Variants in RRP1 observed in about 807,000 individuals in gnomAD.
The protein encoded by RRP1 is ribosomal RNA processing 1, also known as ribosomal RNA processing protein 1 homolog A.
A neutral mutation model predicts 54.6 loss-of-function variants in RRP1; 37 were observed. The ratio of observed to expected loss-of-function variants is 0.68; its 90% CI spans 0.52 to 0.89. The LOEUF (loss-of-function observed/expected upper bound fraction) is 0.89, where lower values mean the gene tolerates loss of function less well. Ranked by LOEUF, RRP1 falls within the 40% of genes least tolerant of loss-of-function variation. RRP1 has a pLI of 0.00. For missense variants in RRP1, 639 were observed against 612.5 expected (o/e 1.04, Z -0.46); for synonymous variants, 262 against 244.3 (o/e 1.07, Z -0.67).
At chr21:43,793,914 G>A (rs767850872) in intron 4 of RRP1, among the ~76,000 whole-genome samples, 2 of 152,174 alleles carry the variant, frequency 1.3e-5, no homozygotes, top group African/African-American at 4.8e-5. Flanking sequence ...GAGGTGCAGC[G>A]TGTTGCTGCC....
At chr21:43,802,831 C>T (rs2085108213) in intron 12 of RRP1, among the ~76,000 whole-genome samples, 1 of 152,254 alleles carries the variant, frequency 6.6e-6, no homozygotes, top group African/African-American at 2.4e-5. Flanking sequence ...GGCCTCTGGC[C>T]ACACGAGTGT....
At chr21:43,796,606 C>T (rs1332793821) in intron 5 of RRP1, among the ~76,000 whole-genome samples, 2 of 152,118 alleles carry the variant, frequency 1.3e-5, no homozygotes, top group East Asian at 1.9e-4. Context: ...GAAGTCGGTC[C>T]CTTGCATCTG....
At chr21:43,790,919 G>GA (rs1312896471) in intron 1 of RRP1, 1 of 447,468 alleles carries the variant, frequency 2.2e-6, no homozygotes, top group African/African-American at 2.0e-5. Flanking sequence ...CTCGTAGTCT[G>GA]AATGCCTGAG....
chr21:43,789,595 C>T lies in RRP1; in HGVS notation c.-35C>T. Reference sequence around the variant, plus strand: ...CGTGCTCAGTGTGCTGGGTACCAGGCGACTCCGGGACAGGGGGTCTCGGCC... The same window carrying T: ...CGTGCTCAGTGTGCTGGGTACCAGGTGACTCCGGGACAGGGGGTCTCGGCC... On this transcript the variant is annotated 5_prime_UTR_variant, in exon 1 of 13. Coordinates refer to ENST00000497547, the MANE Select transcript of RRP1 (RefSeq NM_003683.6). 1.3e-6 allele frequency: 2 copies of T among 1,572,588 alleles called. No homozygotes were observed. Among genetic ancestry groups the T allele is most frequent in the Non-Finnish European group, 1.7e-6 (2 of 1,161,926 alleles).
intron 2 of RRP1, 106 bp downstream of exon 2, chr21:43,791,538 T>C: frequency 9.6e-6 from 10 of 1,040,694 alleles, no homozygotes; most frequent in Non-Finnish European, 1.4e-5. Flanking sequence ...GTTTCGCTCT[T>C]GTTGCCCAGG....
Position 43,800,831 on chromosome 21 carries a change from T to G in RRP1, c.990-31T>G, listed in dbSNP as rs201331848. 3.0e-5 allele frequency: 48 copies of G among 1,613,174 alleles called. No homozygotes were observed. The African/African-American group carries it at 4.1e-4, about 14-fold the overall frequency. On this transcript the variant is annotated intron_variant, in intron 10 of 12. Coordinates refer to ENST00000497547, the MANE Select transcript of RRP1 (RefSeq NM_003683.6). ...CCTCCTCCTGCGGAAGCCGCAGCTG[T>G]GGTAAGTGGGTATCTGTCTTACTCT...
At chr21:43,789,882 G>C (rs1191305862) in intron 1 of RRP1, 120 bp downstream of exon 1, 2 of 1,232,826 alleles carry the variant, frequency 1.6e-6, no homozygotes, top group South Asian at 3.4e-5. Context: ...TGGCCGGGCC[G>C]GGCAGGCGGG....
At position 43,804,996 on chromosome 21, in the gene RRP1, G is replaced by T. The variant is rs183337205; in HGVS notation, c.*1222G>T. On this transcript the variant is annotated 3_prime_UTR_variant, in exon 13 of 13. Transcript: ENST00000497547. This position sits in a 1 kb window ranked among gnomAD's most constrained non-coding sequence, Gnocchi z 4.3. ...CAAAGGAACTTAAAAAGACAAGCGTGGCCAGGCACAGTGGCTCACACCTGT... is the reference window on the plus strand; with the variant it reads ...CAAAGGAACTTAAAAAGACAAGCGTTGCCAGGCACAGTGGCTCACACCTGT... The T allele has an allele frequency of 1.4e-3, 207 of 152,660 alleles. 1 individual carries two copies. The highest frequency in any genetic ancestry group is 6.8e-3 in the Middle Eastern group (2 of 294). 9.5% of individuals were successfully genotyped at this position (152,660 alleles called of 1,614,324 possible). A position where few individuals can be genotyped will look rare whatever the true frequency, so the allele number is the denominator to read the frequency against.
At position 43,805,198 on chromosome 21, in the gene RRP1, C is replaced by T; in HGVS notation, c.*1424C>T. 6.6e-6 allele frequency: 1 copy of T among 151,870 alleles called. No homozygotes were observed. The highest frequency in any genetic ancestry group is 1.9e-4 in the East Asian group (1 of 5,182). The allele number at this position is 151,870 out of a possible 1,614,324, so 9.4% of individuals were successfully genotyped here. Reference sequence around the variant, plus strand: ...GGCTGAGGCAGGAGAATTGCTTGAACCTGGGAGGCAGAGGTTGTGGTGAGC... The same window carrying T: ...GGCTGAGGCAGGAGAATTGCTTGAATCTGGGAGGCAGAGGTTGTGGTGAGC... On this transcript the variant is annotated 3_prime_UTR_variant, in exon 13 of 13. Transcript: ENST00000497547.
In RRP1 at chr21:43,802,559, G is replaced by T. The variant is rs1219056704; in HGVS notation, c.1123+172G>T. ...ATGCCCTGTCCTCGGCATCCCTCCT[G>T]TAGGCCTCTCCCTGCCTCCCCCACC... On this transcript the variant is annotated intron_variant, in intron 12 of 12. Coordinates refer to ENST00000497547, the MANE Select transcript of RRP1 (RefSeq NM_003683.6). 1.7e-5 allele frequency: 10 copies of T among 600,996 alleles called. No individual in the cohort carries two copies. In the East Asian group the frequency reaches 2.9e-4, roughly 17 times the overall value. The allele number at this position is 600,996 out of a possible 1,614,324, so 37.2% of individuals were successfully genotyped here.
At position 43,792,685 on chromosome 21, in the gene RRP1, G is replaced by T. The variant is rs777710952; in HGVS notation, c.230G>T (p.Arg77Met). ...DKPLLQEELG[R>M]TISQLVHAFQ... Reference sequence around the variant, plus strand: ...TTTCCTACACAGGAAGAATTAGGAAGGACTATTTCCCAGCTCGTTCATGCT... The same window carrying T: ...TTTCCTACACAGGAAGAATTAGGAATGACTATTTCCCAGCTCGTTCATGCT... Residue 77 changes from arginine to methionine, a missense_variant, in exon 3 of 13, where the codon AGG becomes ATG. Coordinates refer to ENST00000497547, the MANE Select transcript of RRP1 (RefSeq NM_003683.6). The T allele has an allele frequency of 3.7e-6, 6 of 1,614,070 alleles. No homozygotes were observed. The South Asian group carries it at 6.6e-5, about 18-fold the overall frequency.
rs2085125947 is a variant in RRP1, at chr21:43,804,551, G to A, written c.*777G>A. The A allele has an allele frequency of 6.6e-6, 1 of 152,404 alleles. No homozygotes were observed. The allele number at this position is 152,404 out of a possible 1,614,324, so 9.4% of individuals were successfully genotyped here. On this transcript the variant is annotated 3_prime_UTR_variant, in exon 13 of 13. Coordinates refer to ENST00000497547, the MANE Select transcript of RRP1 (RefSeq NM_003683.6). The surrounding 1 kb of genome is among the most constrained non-coding windows in gnomAD (Gnocchi z 4.3). The stretch of plus-strand genomic sequence containing the variant: ...CGGGTCCCCACTGTGGCGACGGAGA[G>A]CTGACAGTAGCCCAGGGCTTTCCAC...
In RRP1 at chr21:43,795,329, A is replaced by G. The variant is rs1235977483; in HGVS notation, c.422+79A>G. The G allele has an allele frequency of 9.5e-6, 13 of 1,375,042 alleles. No individual in the cohort carries two copies. The East Asian group carries it at 2.5e-4, about 27-fold the overall frequency. The allele number at this position is 1,375,042 out of a possible 1,614,324, so 85.2% of individuals were successfully genotyped here. The stretch of plus-strand genomic sequence containing the variant: ...CGTGTTTGTCATTTGATTCTTTGCC[A>G]TAAGGAGATGTCAGCCTTTATATTA... On this transcript the variant is annotated intron_variant, in intron 5 of 12. Transcript: ENST00000497547.
In RRP1 at chr21:43,803,964, C is replaced by T; in HGVS notation, c.*190C>T. 3.0e-6 allele frequency: 2 copies of T among 667,198 alleles called. No individual in the cohort carries two copies. Among genetic ancestry groups the T allele is most frequent in the Admixed American group, 3.5e-5 (1 of 28,172 alleles). 41.3% of individuals were successfully genotyped at this position (667,198 alleles called of 1,614,324 possible). A position where few individuals can be genotyped will look rare whatever the true frequency, so the allele number is the denominator to read the frequency against. ...AGCATCCCAGGAACTGGACCTTTCCCCAGAGCCTCCGCCTGTGGCTGTGAT... is the reference window on the plus strand; with the variant it reads ...AGCATCCCAGGAACTGGACCTTTCCTCAGAGCCTCCGCCTGTGGCTGTGAT... On this transcript the variant is annotated 3_prime_UTR_variant, in exon 13 of 13. Transcript: ENST00000497547.
chr21:43,797,567 G>T lies in RRP1; in HGVS notation c.552+16G>T, dbSNP rs754518192. The T allele has an allele frequency of 1.2e-6, 2 of 1,613,846 alleles. No individual in the cohort carries two copies. Among genetic ancestry groups the T allele is most frequent in the Non-Finnish European group, 1.7e-6 (2 of 1,179,852 alleles). On this transcript the variant is annotated intron_variant, in intron 6 of 12. Coordinates refer to ENST00000497547, the MANE Select transcript of RRP1 (RefSeq NM_003683.6). ...CGCCGAGGAGGTGAGGCTGGGCTCC[G>T]ACGGGGCGGTGGAGCTGGGCGTTTG...
chr21:43,798,496 C>T (rs555357331), intron 8 of RRP1, among the ~76,000 whole-genome samples: 2 of 152,272 alleles, frequency 1.3e-5, no homozygotes, highest in South Asian at 4.2e-4. Context: ...CAGTCCTCCC[C>T]ATAGCGTCAC....
Position 43,803,916 on chromosome 21 carries a change from A to G in RRP1, c.*142A>G. ...GCGGGAGGGAAGGGCGGCACTGGAG[A>G]GATGGGCCCATCATTAGGGGCCAGC... On this transcript the variant is annotated 3_prime_UTR_variant, in exon 13 of 13. Transcript: ENST00000497547. The G allele has an allele frequency of 2.0e-6, 2 of 1,013,164 alleles. No individual in the cohort carries two copies. The highest frequency in any genetic ancestry group is 5.5e-5 in the East Asian group (2 of 36,382). The allele number at this position is 1,013,164 out of a possible 1,614,324, so 62.8% of individuals were successfully genotyped here.
At chr21:43,791,189 TAGA>T (rs1479568584) in intron 1 of RRP1, 158 bp from the exon 2 acceptor site, 5 of 734,066 alleles carry the variant, frequency 6.8e-6, no homozygotes. Flanking sequence ...GGTTCTGGGT[TAGA>T]AGGATTGTTT....
At chr21:43,792,941 A>G (rs753193825) in intron 3 of RRP1, 26 of 592,102 alleles carry the variant, frequency 4.4e-5, no homozygotes, top group Non-Finnish European at 6.0e-5. Context: ...CAAAACCCTC[A>G]TTTCGAGCCT....
Sources: gnomAD v4.1 joint callset for allele counts (sites outside exome capture counted in the v4.1 genomes callset) on GRCh38, gnomAD v4.1.1 for gene constraint, Gnocchi (gnomAD v3.1) non-coding constraint, MANE v1.5 for transcripts, NCBI Gene and HGNC (gene_info 2026-07-23, HGNC 2026-07-21) for gene names.